The following SERGEF variants were observed in gnomAD, a reference collection of about 807,000 sequenced individuals.
SERGEF encodes the protein secretion-regulating guanine nucleotide exchange factor.
SERGEF carries 51 observed loss-of-function variants against 50.0 expected under a neutral mutation model. The ratio of observed to expected loss-of-function variants is 1.02; its 90% confidence interval spans 0.81 to 1.29. The LOEUF is 1.29. Ranked by LOEUF, SERGEF falls within the 50% of genes most tolerant of loss-of-function variation. The pLI, the probability that SERGEF is intolerant of heterozygous loss-of-function variation, is 0.00. For synonymous variants in SERGEF, 205 were observed against 212.4 expected (o/e 0.97, Z 0.30); for missense variants, 521 against 557.0 (o/e 0.94, Z 0.65).
chr11:17,906,699 C>G (rs963413308), intron 9 of SERGEF, among the ~76,000 whole-genome samples: 1 of 152,158 alleles, frequency 6.6e-6, no homozygotes, highest in Admixed American at 6.5e-5. Context: ...CAATCAGATA[C>G]TGCAGCCGGC....
At chr11:17,911,601 G>C (rs1049930117) in intron 9 of SERGEF, among the ~76,000 whole-genome samples, 1 of 151,300 alleles carries the variant, frequency 6.6e-6, no homozygotes, top group Non-Finnish European at 1.5e-5. Flanking sequence ...GATCCTCCCC[G>C]CTCAGCCTCC....
At chr11:17,854,118 T>G (rs1850769768) in intron 10 of SERGEF, 1 of 150,430 alleles carries the variant, frequency 6.6e-6, no homozygotes, top group Admixed American at 6.6e-5. Context: ...GACACTTACA[T>G]AACATTATTA....
chr11:17,929,653 G>A (rs1028545542), intron 9 of SERGEF, among the ~76,000 whole-genome samples: 2 of 152,166 alleles, frequency 1.3e-5, no homozygotes, highest in Admixed American at 1.3e-4. Context: ...GTGCTAGGCA[G>A]GCAGGCAGCA....
chr11:17,996,455 A>C (rs892366685), intron 5 of SERGEF, among the ~76,000 whole-genome samples: 5 of 152,238 alleles, frequency 3.3e-5, no homozygotes, highest in Non-Finnish European at 7.3e-5. Flanking sequence ...TTGCCAAGTA[A>C]ATACATATTT....
intron 10 of SERGEF, among the ~76,000 whole-genome samples, chr11:17,800,117 T>A (rs1357203580): frequency 6.6e-6 from 1 of 152,168 alleles, no homozygotes; most frequent in East Asian, 1.9e-4. Flanking sequence ...AGGAGAAAAC[T>A]AATGGGTTAA....
intron 9 of SERGEF, among the ~76,000 whole-genome samples, chr11:17,883,131 A>G (rs1039114592): frequency 3.9e-5 from 6 of 152,142 alleles, no homozygotes; most frequent in Non-Finnish European, 8.8e-5. Context: ...CGAAACCCCA[A>G]TGCCAGAGGG....
chr11:17,961,026 A>C (rs546494116), intron 8 of SERGEF, among the ~76,000 whole-genome samples: 1 of 152,178 alleles, frequency 6.6e-6, no homozygotes, highest in Non-Finnish European at 1.5e-5. Flanking sequence ...CACTAGTTCT[A>C]TGAAACCTTT....
chr11:17,990,111 T>C (rs980725127), intron 7 of SERGEF, among the ~76,000 whole-genome samples: 1 of 152,190 alleles, frequency 6.6e-6, no homozygotes, highest in Admixed American at 6.5e-5. Context: ...CAATAAAACT[T>C]GATAGTATTG....
At chr11:17,993,402 T>A (rs1349308315) in intron 6 of SERGEF, among the ~76,000 whole-genome samples, 1 of 152,206 alleles carries the variant, frequency 6.6e-6, no homozygotes, top group Non-Finnish European at 1.5e-5. Context: ...TGTCTGTGTG[T>A]CTATTTCCTA....
At chr11:18,009,418 G>A (rs1214925071) in intron 1 of SERGEF, among the ~76,000 whole-genome samples, 1 of 152,044 alleles carries the variant, frequency 6.6e-6, no homozygotes, top group Non-Finnish European at 1.5e-5. Context: ...AACTACCTAG[G>A]GAAGCTAAGG....
At chr11:17,886,303 T>G (rs185363675) in intron 9 of SERGEF, among the ~76,000 whole-genome samples, 1 of 152,258 alleles carries the variant, frequency 6.6e-6, no homozygotes, top group East Asian at 1.9e-4. Flanking sequence ...GCAACTGGCA[T>G]AGGTTCACTA....
chr11:17,889,486 A>G (rs1851493091), intron 9 of SERGEF, among the ~76,000 whole-genome samples: 1 of 152,218 alleles, frequency 6.6e-6, no homozygotes, highest in Admixed American at 6.5e-5. Context: ...CATTATATAC[A>G]AAACAACTGT....
intron 8 of SERGEF, among the ~76,000 whole-genome samples, chr11:17,964,135 C>T (rs899509141): frequency 2.6e-5 from 4 of 151,870 alleles, no homozygotes; most frequent in African/African-American, 7.3e-5. Context: ...TCAAGGGTCC[C>T]GCTAATGGGA....
intron 8 of SERGEF, among the ~76,000 whole-genome samples, chr11:17,972,517 TTAAGA>T (rs1853269725): frequency 6.6e-6 from 1 of 152,220 alleles, no homozygotes. Flanking sequence ...TATGTTTTAA[TTAAGA>T]TATGTACACT....
chr11:17,860,269 G>T (rs1234611277), intron 10 of SERGEF, among the ~76,000 whole-genome samples: 1 of 152,170 alleles, frequency 6.6e-6, no homozygotes, highest in Non-Finnish European at 1.5e-5. Flanking sequence ...TTTAACTCCA[G>T]GAAAAGAAAA....
intron 10 of SERGEF, among the ~76,000 whole-genome samples, chr11:17,831,356 G>A (rs756292920): frequency 1.6e-4 from 24 of 152,150 alleles, no homozygotes; most frequent in Admixed American, 5.2e-4. Flanking sequence ...AGGTCAGCAC[G>A]GGTTGCAGGT....
intron 9 of SERGEF, among the ~76,000 whole-genome samples, chr11:17,899,638 T>C (rs1032340056): frequency 5.9e-5 from 9 of 152,118 alleles, no homozygotes; most frequent in Non-Finnish European, 1.2e-4. Context: ...GAAAGTAACT[T>C]AGAAAGATAT....
Position 18,013,014 on chromosome 11 carries a change from A to G in SERGEF, c.-4T>C, listed in dbSNP as rs1325488519. ...AGGCGCTGGGCTCGCGCTCCATGCG[A>G]GGACGCTCCGCCGGCGCTTCCGGGA... On this transcript the variant is annotated 5_prime_UTR_variant, in exon 1 of 11. Transcript: ENST00000265965. The surrounding 1 kb of genome is among the most constrained non-coding windows in gnomAD (Gnocchi z 4.3). 3 of 1,383,904 alleles carry G rather than the reference A, an allele frequency of 2.2e-6. No individual in the cohort carries two copies. The highest frequency in any genetic ancestry group is 2.8e-6 in the Non-Finnish European group (3 of 1,079,942). 85.7% of individuals were successfully genotyped at this position (1,383,904 alleles called of 1,614,324 possible). A position where few individuals can be genotyped will look rare whatever the true frequency, so the allele number is the denominator to read the frequency against.
At chr11:18,007,717 G>A (rs1336302496) in intron 2 of SERGEF, among the ~76,000 whole-genome samples, 1 of 134,568 alleles carries the variant, frequency 7.4e-6, no homozygotes, top group Non-Finnish European at 1.7e-5. Context: ...TTTGTATAAT[G>A]GAGGGGGTGG....
Sources: gnomAD v4.1 joint callset for allele counts (sites outside exome capture counted in the v4.1 genomes callset) on GRCh38, gnomAD v4.1.1 for gene constraint, Gnocchi (gnomAD v3.1) non-coding constraint, MANE v1.5 for transcripts, NCBI Gene and HGNC (gene_info 2026-07-23, HGNC 2026-07-21) for gene names.